SORT1: variants seen among roughly 807,000 people sequenced by gnomAD.
The protein encoded by SORT1 is sortilin.
A neutral mutation model predicts 101.7 loss-of-function variants in SORT1; 39 were observed. That is an observed-to-expected ratio of 0.38 (90% CI 0.30 to 0.50). SORT1 has a LOEUF of 0.50. SORT1 is among the 20% of genes least tolerant of loss of function. The probability of loss-of-function intolerance (pLI) is 0.90; values close to 1 mark genes in which losing one functional copy is unlikely to be tolerated. For synonymous variants in SORT1, 396 were observed against 393.7 expected (o/e 1.01, Z -0.07); for missense variants, 878 against 1,040.4 (o/e 0.84, Z 2.15).
chr1:109,386,433 C>T (rs1044398470), intron 1 of SORT1, among the ~76,000 whole-genome samples: 1 of 152,090 alleles, frequency 6.6e-6, no homozygotes, highest in African/African-American at 2.4e-5. Flanking sequence ...CAGGAAGAAA[C>T]CCATGAAAAC....
intron 3 of SORT1, among the ~76,000 whole-genome samples, chr1:109,364,164 G>T (rs550014250): frequency 6.6e-6 from 1 of 152,160 alleles, no homozygotes; most frequent in Non-Finnish European, 1.5e-5. Flanking sequence ...AAATAGAATT[G>T]CACTCTAGTA....
chr1:109,378,836 T>C (rs1316987039), intron 1 of SORT1, among the ~76,000 whole-genome samples: 1 of 146,840 alleles, frequency 6.8e-6, no homozygotes, highest in Non-Finnish European at 1.5e-5. Context: ...ATGTTTTGTT[T>C]CTGGTAAACA....
chr1:109,378,255 T>C (rs563805482), intron 1 of SORT1, among the ~76,000 whole-genome samples: 1 of 151,226 alleles, frequency 6.6e-6, no homozygotes, highest in East Asian at 1.9e-4. Flanking sequence ...AGAATAATAA[T>C]AAGAAGAATC....
Position 109,321,381 on chromosome 1 carries a change from T to C in SORT1, c.2024+1551A>G, listed in dbSNP as rs12095269. On this transcript the variant is annotated intron_variant, in intron 15 of 19. Coordinates refer to ENST00000256637, the MANE Select transcript of SORT1 (RefSeq NM_002959.7). ...GACTTTTCAGGCAGAGGGAGCATCA[T>C]GTGCGGTGGCATGGAGGTCTGAAAA... Among the ~76,000 whole-genome samples, 530 of 152,252 alleles carry C rather than the reference T, an allele frequency of 3.5e-3. 2 individuals are homozygous for C. Among genetic ancestry groups the C allele is most frequent in the African/African-American group, 0.012 (502 of 41,552 alleles).
intron 11 of SORT1, among the ~76,000 whole-genome samples, chr1:109,335,651 G>T (rs1294866357): frequency 2.0e-5 from 3 of 149,738 alleles, no homozygotes; most frequent in East Asian, 2.0e-4. Context: ...TAAAAAGCTT[G>T]TTTTTTTTTT....
In SORT1 at chr1:109,397,882, G is replaced by T. The variant is rs1308812324; in HGVS notation, c.11C>A (p.Pro4His). The stretch of plus-strand genomic sequence containing the variant: ...CGAGAGGCCGTCCGCAGCTCCCCAG[G>T]GCCGCTCCATCGCCGCCGAATGCCG... MER[P>H]WGAADGLSRW... The change falls in exon 1 of 20, where the codon CCC becomes CAC. Residue 4 changes from proline (P) to histidine (H), a missense_variant. Physicochemically the swap from Pro to His is moderately conservative, Grantham distance 77. Coordinates refer to ENST00000256637, the MANE Select transcript of SORT1 (RefSeq NM_002959.7). The T allele has an allele frequency of 8.4e-7, 1 of 1,184,118 alleles. No individual in the cohort carries two copies. The highest frequency in any genetic ancestry group is 1.6e-5 in the African/African-American group (1 of 61,728). The allele number at this position is 1,184,118 out of a possible 1,614,324, so 73.4% of individuals were successfully genotyped here. A position where few individuals can be genotyped will look rare whatever the true frequency, so the allele number is the denominator to read the frequency against.
At chr1:109,330,848 A>C (rs544663960) in intron 11 of SORT1, among the ~76,000 whole-genome samples, 2 of 152,302 alleles carry the variant, frequency 1.3e-5, no homozygotes, top group African/African-American at 4.8e-5. Context: ...ATACATCAAC[A>C]AATTGGATAA....
intron 1 of SORT1, among the ~76,000 whole-genome samples, chr1:109,376,330 CAAAAAAAAAA>C (rs35117356): frequency 1.1e-5 from 1 of 93,776 alleles, no homozygotes; most frequent in African/African-American, 4.2e-5. Flanking sequence ...GACTCCATCT[CAAAAAAAAAA>C]AAAAAAAAAG....
At position 109,316,973 on chromosome 1, in the gene SORT1, A is replaced by T. The variant is rs928335752; in HGVS notation, c.2142-15T>A. 6 of 1,514,336 alleles carry T rather than the reference A, an allele frequency of 4.0e-6. No individual in the cohort carries two copies. The highest frequency in any genetic ancestry group is 5.5e-6 in the Non-Finnish European group (6 of 1,099,648). 93.8% of individuals were successfully genotyped at this position (1,514,336 alleles called of 1,614,324 possible). ...TTTTCCGGTACCTACCAGGCAAAGA[A>T]GATTTGGTAACAGAAGATAAGGATG... is the stretch of plus-strand genomic sequence containing the variant. On this transcript the variant is annotated splice_polypyrimidine_tract_variant and intron_variant, in intron 16 of 19. Coordinates refer to ENST00000256637, the MANE Select transcript of SORT1 (RefSeq NM_002959.7).
At chr1:109,344,010 AGAAAAT>A (rs763572098) in intron 8 of SORT1, among the ~76,000 whole-genome samples, 21 of 152,198 alleles carry the variant, frequency 1.4e-4, no homozygotes, top group Non-Finnish European at 3.1e-4. Context: ...TTGCCATCCT[AGAAAAT>A]GGCACCACCA....
At chr1:109,358,954 T>C (rs1157433649) in intron 3 of SORT1, among the ~76,000 whole-genome samples, 2 of 152,202 alleles carry the variant, frequency 1.3e-5, no homozygotes, top group African/African-American at 4.8e-5. Context: ...CATTTTTGCA[T>C]GTATCCACGG....
At chr1:109,351,274 C>T (rs1414153534) in intron 5 of SORT1, among the ~76,000 whole-genome samples, 3 of 152,196 alleles carry the variant, frequency 2.0e-5, no homozygotes, top group Non-Finnish European at 4.4e-5. Flanking sequence ...GAATAAGACA[C>T]ACTCCCTGCT....
chr1:109,352,076 A>G (rs1267630920), intron 5 of SORT1, among the ~76,000 whole-genome samples: 1 of 151,996 alleles, frequency 6.6e-6, no homozygotes, highest in Non-Finnish European at 1.5e-5. Flanking sequence ...ATGCATTGTG[A>G]TATCATTAAC....
rs776857865 is a variant in SORT1, at chr1:109,397,674, G to T, written c.219C>A (p.Gly73=). 10 of 1,204,600 alleles carry T rather than the reference G, an allele frequency of 8.3e-6. No individual in the cohort carries two copies. The East Asian group carries it at 4.6e-4, about 55-fold the overall frequency. The allele number at this position is 1,204,600 out of a possible 1,614,324, so 74.6% of individuals were successfully genotyped here. ...AAAGGAFPRG[G]RWRRSAPGED... Reference sequence around the variant, plus strand: ...CGCCCGGCGCGCTGCGACGCCAACGGCCGCCGCGGGGAAACGCGCCCCCGG... The same window carrying T: ...CGCCCGGCGCGCTGCGACGCCAACGTCCGCCGCGGGGAAACGCGCCCCCGG... Residue 73 remains glycine (G), a synonymous_variant, in exon 1 of 20, where the codon GGC becomes GGA. Coordinates refer to ENST00000256637, the MANE Select transcript of SORT1 (RefSeq NM_002959.7).
intron 2 of SORT1, among the ~76,000 whole-genome samples, chr1:109,367,873 C>T (rs1651195482): frequency 6.6e-6 from 1 of 152,188 alleles, no homozygotes; most frequent in African/African-American, 2.4e-5. Context: ...TCTTTTTCTT[C>T]TCCTTGCCGT....
Position 109,381,841 on chromosome 1 carries a change from A to T in SORT1, c.307-12252T>A, listed in dbSNP as rs560799270. Among the ~76,000 whole-genome samples, 7 of 152,208 alleles carry T rather than the reference A, an allele frequency of 4.6e-5. No homozygotes were observed. In the East Asian group the frequency reaches 1.3e-3, roughly 29 times the overall value. ...ATTGTGCCACTGCACTCTAGTCTGG[A>T]TGACAGAGCAAGATTGTCCCTTAAA... is the stretch of plus-strand genomic sequence containing the variant. On this transcript the variant is annotated intron_variant, in intron 1 of 19. Coordinates refer to ENST00000256637, the MANE Select transcript of SORT1 (RefSeq NM_002959.7).
chr1:109,367,961 A>G (rs1412761494), intron 2 of SORT1, among the ~76,000 whole-genome samples: 2 of 152,150 alleles, frequency 1.3e-5, no homozygotes, highest in African/African-American at 2.4e-5. Context: ...TGGATGGATT[A>G]CTATAAGAGT....
At position 109,369,463 on chromosome 1, in the gene SORT1, A is replaced by G. The variant is rs1241346053; in HGVS notation, c.366+67T>C. On this transcript the variant is annotated intron_variant, in intron 2 of 19. Coordinates refer to ENST00000256637, the MANE Select transcript of SORT1 (RefSeq NM_002959.7). ...CAGGAAGAAATGATATTAGGTGCTT[A>G]ACCCTTCCCCAAATCTGTTATCATC... The G allele has an allele frequency of 4.9e-5, 49 of 1,005,322 alleles. 1 individual carries two copies. The East Asian group carries it at 9.5e-4, about 19-fold the overall frequency. The allele number at this position is 1,005,322 out of a possible 1,614,324, so 62.3% of individuals were successfully genotyped here. A position where few individuals can be genotyped will look rare whatever the true frequency, so the allele number is the denominator to read the frequency against.
intron 10 of SORT1, among the ~76,000 whole-genome samples, chr1:109,338,423 C>T (rs1009308481): frequency 2.6e-5 from 4 of 152,158 alleles, no homozygotes; most frequent in African/African-American, 9.7e-5. Context: ...CAGCCCCTAC[C>T]TCCTACCGAA....
Sources: allele counts gnomAD v4.1 joint callset (sites outside exome capture counted in the v4.1 genomes callset), GRCh38; gene constraint gnomAD v4.1.1; transcripts MANE v1.5; gene names NCBI Gene and HGNC (gene_info 2026-07-23, HGNC 2026-07-21).